PKHD1: variants seen among roughly 807,000 people sequenced by gnomAD.
The protein encoded by PKHD1 is fibrocystin.
A neutral mutation model predicts 412.0 loss-of-function variants in PKHD1; 291 were observed. The ratio of observed to expected loss-of-function variants is 0.71; its 90% CI spans 0.64 to 0.78. The LOEUF is 0.78. Among genes scored for constraint, PKHD1 ranks in the 30% least tolerant of loss-of-function variants. The pLI, the probability that PKHD1 is intolerant of heterozygous loss-of-function variation, is 0.00. For synonymous variants in PKHD1, 1,777 were observed against 1,821.5 expected, an observed-to-expected ratio of 0.98 and a Z score of 0.62; for missense variants, 4,825 against 4,950.7, an observed-to-expected ratio of 0.97 and a Z score of 0.76.
Position 51,619,184 on chromosome 6 carries a change from C to T in PKHD1, c.12122G>A (p.Ser4041Asn). 1 of 1,614,262 alleles carries T rather than the reference C, an allele frequency of 6.2e-7. No individual in the cohort carries two copies. The highest frequency in any genetic ancestry group is 1.1e-5 in the South Asian group (1 of 91,090). Residue 4041 changes from serine (S) to asparagine (N), a missense_variant, in exon 67 of 67, where the codon AGT becomes AAT. Coordinates refer to ENST00000371117, the MANE Select transcript of PKHD1 (RefSeq NM_138694.4). Reference protein sequence around the residue: ...LPGQSRLSKQSGSLGLSQEKK... With the variant: ...LPGQSRLSKQNGSLGLSQEKK... ...CTCTTGGGAAAGCCCCAAGCTGCCA[C>T]TTTGCTTACTCAGCCGACTTTGCCC...
At chr6:51,980,045 C>G (rs1794944259) in intron 35 of PKHD1, among the ~76,000 whole-genome samples, 1 of 152,108 alleles carries the variant, frequency 6.6e-6, no homozygotes, top group Non-Finnish European at 1.5e-5. Context: ...ATATGGTAGT[C>G]ACATGTATAT....
intron 60 of PKHD1, among the ~76,000 whole-genome samples, chr6:51,689,290 T>C (rs1777858349): frequency 6.6e-6 from 1 of 152,190 alleles, no homozygotes; most frequent in Non-Finnish European, 1.5e-5. Context: ...TCGATAAAAT[T>C]CGACATCAGT....
At chr6:51,760,808 T>G (rs1401641586) in intron 55 of PKHD1, among the ~76,000 whole-genome samples, 1 of 152,090 alleles carries the variant, frequency 6.6e-6, no homozygotes, top group East Asian at 1.9e-4. Context: ...GAGAAAAGGA[T>G]GAGGTAACAA....
chr6:51,639,814 G>A (rs1057005581), intron 63 of PKHD1, among the ~76,000 whole-genome samples: 2 of 152,198 alleles, frequency 1.3e-5, no homozygotes, highest in African/African-American at 4.8e-5. Flanking sequence ...TGGTCTGAAA[G>A]TTTATAGATT....
chr6:51,754,965 A>G (rs754090608), intron 55 of PKHD1, 27 bp from the exon 56 acceptor site: 8 of 1,590,912 alleles, frequency 5.0e-6, no homozygotes, highest in Non-Finnish European at 6.9e-6. Context: ...ATGGCATTGG[A>G]TATACTAACA....
intron 15 of PKHD1, 67 bp from the exon 16 acceptor site, chr6:52,058,668 A>T: frequency 2.7e-6 from 4 of 1,474,540 alleles, no homozygotes; most frequent in South Asian, 1.1e-5. Flanking sequence ...CTCAAACACT[A>T]AGTGTCTGAA....
In PKHD1 at chr6:51,859,271, A is replaced by G. The variant is rs557428594; in HGVS notation, c.7734-3201T>C. Among the ~76,000 whole-genome samples, 3 of 152,222 alleles carry G rather than the reference A, an allele frequency of 2.0e-5. No individual in the cohort carries two copies. The South Asian group carries it at 6.2e-4, about 32-fold the overall frequency. On this transcript the variant is annotated intron_variant, in intron 48 of 66. Transcript: ENST00000371117. ...GCCGGGAGCGGTGGCTTATGCCTGTAATCCCAGCACTTTGGGACGCCGAGG... is the reference window on the plus strand; with the variant it reads ...GCCGGGAGCGGTGGCTTATGCCTGTGATCCCAGCACTTTGGGACGCCGAGG...
chr6:51,639,013 C>A (rs1292953673), intron 63 of PKHD1, 57 bp from the exon 64 acceptor site: 1 of 1,215,896 alleles, frequency 8.2e-7, no homozygotes, highest in Non-Finnish European at 1.2e-6. Context: ...CGAACAATGT[C>A]TTCATGTCTT....
chr6:51,769,533 T>C, intron 55 of PKHD1, among the ~76,000 whole-genome samples: 1 of 151,502 alleles, frequency 6.6e-6, no homozygotes, highest in East Asian at 1.9e-4. Context: ...GTTTTCTTGG[T>C]ATGATTAAAG....
chr6:51,934,814 CCTAATTTCCTTGAGGTATTG>C (rs1787216840), intron 36 of PKHD1, among the ~76,000 whole-genome samples: 1 of 152,078 alleles, frequency 6.6e-6, no homozygotes, highest in South Asian at 2.1e-4. Context: ...GTTAACAGAC[CCTAATTTCCTTGAGGTATTG>C]CTCTGCCCCA....
At chr6:52,044,496 G>C (rs1389487324) in intron 25 of PKHD1, among the ~76,000 whole-genome samples, 1 of 152,078 alleles carries the variant, frequency 6.6e-6, no homozygotes, top group Non-Finnish European at 1.5e-5. Flanking sequence ...TGTTGACAAT[G>C]TCAATTTTCA....
chr6:51,919,180 G>A (rs182605641), intron 37 of PKHD1, among the ~76,000 whole-genome samples: 110 of 152,274 alleles, frequency 7.2e-4, no homozygotes, highest in African/African-American at 2.4e-3. Flanking sequence ...TGCTTTTGAT[G>A]TTTTAGTCAT....
intron 60 of PKHD1, among the ~76,000 whole-genome samples, chr6:51,707,972 A>C (rs1780210707): frequency 1.3e-5 from 2 of 152,052 alleles, no homozygotes; most frequent in Admixed American, 1.3e-4. Flanking sequence ...CTGCACACAT[A>C]ATTTTATTCT....
rs745532396 is a variant in PKHD1, at chr6:51,867,892, ACCT to A, written c.7701_7703del (p.Gly2568del). On this transcript the variant is annotated inframe_deletion, in exon 48 of 67. Transcript: ENST00000371117. ...CAATAGACATACGATGAAAAAGAAC[ACCT>A]CCTCCACAGGCACTGCCATGGACAA... is the stretch of plus-strand genomic sequence containing the variant. The A allele has an allele frequency of 3.1e-6, 5 of 1,613,140 alleles. No individual in the cohort carries two copies. The highest frequency in any genetic ancestry group is 4.2e-6 in the Non-Finnish European group (5 of 1,179,412).
intron 60 of PKHD1, among the ~76,000 whole-genome samples, chr6:51,691,321 A>G (rs1269248939): frequency 6.6e-6 from 1 of 152,308 alleles, no homozygotes; most frequent in East Asian, 1.9e-4. Flanking sequence ...ACCCAAAGGA[A>G]TATAAATCAT....
At position 52,070,988 on chromosome 6, in the gene PKHD1, G is replaced by A; in HGVS notation, c.667+18C>T. The A allele has an allele frequency of 6.6e-6, 10 of 1,508,846 alleles. No homozygotes were observed. The highest frequency in any genetic ancestry group is 8.3e-6 in the Non-Finnish European group (9 of 1,084,084). The allele number at this position is 1,508,846 out of a possible 1,614,324, so 93.5% of individuals were successfully genotyped here. On this transcript the variant is annotated intron_variant, in intron 9 of 66. Transcript: ENST00000371117. ...GAAATGGATAAGACTTTAAAATTAT[G>A]TTACTTCTCTAACAGACCGATGTAG...
intron 55 of PKHD1, among the ~76,000 whole-genome samples, chr6:51,756,296 G>C (rs752101491): frequency 1.3e-5 from 2 of 152,102 alleles, no homozygotes; most frequent in Non-Finnish European, 2.9e-5. Flanking sequence ...AGGAAACTAA[G>C]TTCCAAATAG....
intron 35 of PKHD1, among the ~76,000 whole-genome samples, chr6:51,986,556 T>A (rs761891930): frequency 5.9e-5 from 9 of 152,186 alleles, no homozygotes; most frequent in Non-Finnish European, 1.0e-4. Context: ...ATTATTTTTT[T>A]AAAAAGTGAA....
intron 35 of PKHD1, among the ~76,000 whole-genome samples, chr6:51,969,254 T>C (rs765588744): frequency 2.0e-5 from 3 of 152,180 alleles, no homozygotes; most frequent in Non-Finnish European, 2.9e-5. Context: ...CTAAATCCTA[T>C]ATTCACAATG....
Sources: gnomAD v4.1 joint callset for allele counts (sites outside exome capture counted in the v4.1 genomes callset) on GRCh38, gnomAD v4.1.1 for gene constraint, MANE v1.5 for transcripts, NCBI Gene and HGNC (gene_info 2026-07-23, HGNC 2026-07-21) for gene names.